The following GRID2 variants were observed in gnomAD, a reference collection of about 807,000 sequenced individuals.
GRID2 encodes glutamate receptor ionotropic, delta-2.
GRID2 carries 33 observed loss-of-function variants against 114.8 expected under a neutral mutation model. That is an observed-to-expected ratio of 0.29 (90% CI 0.22 to 0.38). The LOEUF is 0.38. GRID2 is among the 10% of genes least tolerant of loss of function. The pLI is 1.00. For synonymous variants in GRID2, 505 were observed against 449.9 expected (o/e 1.12, Z -1.55); for missense variants, 1,184 against 1,257.7 (o/e 0.94, Z 0.89).
chr4:93,592,294 C>G (rs1738443535), intron 13 of GRID2, among the ~76,000 whole-genome samples: 1 of 152,070 alleles, frequency 6.6e-6, no homozygotes, highest in African/African-American at 2.4e-5. Flanking sequence ...ATCTTTATTT[C>G]TGCCTTCATT....
chr4:92,861,739 T>C lies in GRID2; in HGVS notation c.245-223256T>C, dbSNP rs574901180. On this transcript the variant is annotated intron_variant, in intron 2 of 15. Transcript: ENST00000282020. ...GAAGGAAGAAATGAAAGCAAATTCT[T>C]ATTAAATAAGAAGTAACTAATCAGA... is the stretch of plus-strand genomic sequence containing the variant. Among the ~76,000 whole-genome samples the C allele has an allele frequency of 2.4e-4, 36 of 152,158 alleles. 1 individual carries two copies. The South Asian group carries it at 7.5e-3, about 32-fold the overall frequency.
At chr4:92,506,255 T>G (rs558269585) in intron 1 of GRID2, among the ~76,000 whole-genome samples, 1 of 152,110 alleles carries the variant, frequency 6.6e-6, no homozygotes, top group Non-Finnish European at 1.5e-5. Context: ...GGTGGGATTC[T>G]AAATGATTCT....
intron 1 of GRID2, among the ~76,000 whole-genome samples, chr4:92,435,202 T>A (rs556619177): frequency 6.6e-6 from 1 of 152,324 alleles, no homozygotes; most frequent in Admixed American, 6.5e-5. Context: ...TGTGTTTTCA[T>A]TATCAGGGTT....
At chr4:92,406,046 C>T (rs1201863956) in intron 1 of GRID2, among the ~76,000 whole-genome samples, 1 of 152,060 alleles carries the variant, frequency 6.6e-6, no homozygotes, top group South Asian at 2.1e-4. Context: ...GGTTGGGAGG[C>T]TAGGCCCATC....
intron 2 of GRID2, among the ~76,000 whole-genome samples, chr4:93,003,148 T>A (rs1427037097): frequency 6.6e-6 from 1 of 151,894 alleles, no homozygotes; most frequent in Non-Finnish European, 1.5e-5. Flanking sequence ...TGTTAGCATT[T>A]AAATATCTTT....
rs548155367 is a variant in GRID2 at position 92,700,980 on chromosome 4, C to A, written c.244+110694C>A. Among the ~76,000 whole-genome samples, 96 of 136,734 alleles carry A rather than the reference C, an allele frequency of 7.0e-4. No individual in the cohort carries two copies. The South Asian group carries it at 0.011, about 15-fold the overall frequency. 89.7% of individuals were successfully genotyped at this position (136,734 alleles called of 152,430 possible). Reference sequence around the variant, plus strand: ...CTGCACTCCAGCCTGGGCGACAGAGCGAGACTCCATCTCAAAAAAAAAAAA... The same window carrying A: ...CTGCACTCCAGCCTGGGCGACAGAGAGAGACTCCATCTCAAAAAAAAAAAA... On this transcript the variant is annotated intron_variant, in intron 2 of 15. Coordinates refer to ENST00000282020, the MANE Select transcript of GRID2 (RefSeq NM_001510.4).
intron 2 of GRID2, among the ~76,000 whole-genome samples, chr4:92,758,077 C>A (rs922378403): frequency 1.3e-5 from 2 of 152,026 alleles, no homozygotes; most frequent in African/African-American, 4.8e-5. Flanking sequence ...TGGACACTTA[C>A]TAATTTCAAT....
intron 1 of GRID2, among the ~76,000 whole-genome samples, chr4:92,479,515 T>A (rs938115650): frequency 6.6e-6 from 1 of 152,164 alleles, no homozygotes; most frequent in Admixed American, 6.6e-5. Flanking sequence ...TCTGTTTAAA[T>A]GAGCACTTAC....
At chr4:92,952,626 A>G (rs1752115435) in intron 2 of GRID2, among the ~76,000 whole-genome samples, 1 of 152,244 alleles carries the variant, frequency 6.6e-6, no homozygotes, top group Non-Finnish European at 1.5e-5. Flanking sequence ...GAAATCAGTG[A>G]TAGCATAGTG....
chr4:93,402,449 C>T (rs538191891), intron 9 of GRID2, among the ~76,000 whole-genome samples: 144 of 152,104 alleles, frequency 9.5e-4, no homozygotes, highest in Non-Finnish European at 1.1e-3. Flanking sequence ...TGCAGTAAAA[C>T]TATGATGTGT....
intron 11 of GRID2, among the ~76,000 whole-genome samples, chr4:93,456,788 C>T (rs964121862): frequency 3.3e-5 from 5 of 152,146 alleles, no homozygotes; most frequent in African/African-American, 1.2e-4. Flanking sequence ...TAACATCTTT[C>T]TTTTTATTCC....
At chr4:93,548,410 G>C (rs1733436052) in intron 13 of GRID2, among the ~76,000 whole-genome samples, 1 of 152,138 alleles carries the variant, frequency 6.6e-6, no homozygotes, top group Non-Finnish European at 1.5e-5. Context: ...TCCCAATTCT[G>C]ACGGTAAATT....
At chr4:93,210,345 C>T (rs1277477991) in intron 5 of GRID2, among the ~76,000 whole-genome samples, 2 of 152,044 alleles carry the variant, frequency 1.3e-5, no homozygotes, top group South Asian at 2.1e-4. Flanking sequence ...TAAAGGAAAG[C>T]GTCCTTTCCC....
In GRID2 at chr4:92,634,114, C is replaced by CAA. The variant is rs748692047; in HGVS notation, c.244+43838_244+43839dup. Among the ~76,000 whole-genome samples, 763 of 134,422 alleles carry CAA rather than the reference C, an allele frequency of 5.7e-3. 4 individuals are homozygous for CAA. Among genetic ancestry groups the CAA allele is most frequent in the Middle Eastern group, 0.015 (4 of 260 alleles). The allele number at this position is 134,422 out of a possible 152,430, so 88.2% of individuals were successfully genotyped here. On this transcript the variant is annotated intron_variant, in intron 2 of 15. Transcript: ENST00000282020. The stretch of plus-strand genomic sequence containing the variant: ...CTAATGAGCTAGAAAACAAAAATTG[C>CAA]AAAAAAAAAAACAACAAAAAACAAA...
intron 13 of GRID2, among the ~76,000 whole-genome samples, chr4:93,531,932 C>T (rs946598668): frequency 1.3e-5 from 2 of 152,094 alleles, no homozygotes; most frequent in Non-Finnish European, 1.5e-5. Flanking sequence ...TAATCTCTGA[C>T]AATTTCCAAA....
At chr4:93,523,870 G>A (rs1448398566) in intron 13 of GRID2, among the ~76,000 whole-genome samples, 2 of 152,158 alleles carry the variant, frequency 1.3e-5, no homozygotes, top group East Asian at 1.9e-4. Context: ...AGGAAAAAAG[G>A]CTGTGAGTAG....
At chr4:92,585,898 A>C (rs1254235856) in intron 1 of GRID2, among the ~76,000 whole-genome samples, 1 of 151,956 alleles carries the variant, frequency 6.6e-6, no homozygotes, top group Non-Finnish European at 1.5e-5. Flanking sequence ...TGTGACAACA[A>C]ATTAACATGC....
chr4:93,393,322 C>T (rs1374385820), intron 8 of GRID2, among the ~76,000 whole-genome samples: 1 of 151,630 alleles, frequency 6.6e-6, no homozygotes, highest in East Asian at 1.9e-4. Flanking sequence ...TGTACAAATG[C>T]TGTTATCAAA....
chr4:93,281,561 C>T (rs941311294), intron 8 of GRID2, among the ~76,000 whole-genome samples: 1 of 152,024 alleles, frequency 6.6e-6, no homozygotes, highest in Admixed American at 6.6e-5. Flanking sequence ...ACCTAAGTCT[C>T]TAAACTTTGC....
Sources: gnomAD v4.1 joint callset for allele counts (sites outside exome capture counted in the v4.1 genomes callset) on GRCh38, gnomAD v4.1.1 for gene constraint, MANE v1.5 for transcripts, NCBI Gene and HGNC (gene_info 2026-07-23, HGNC 2026-07-21) for gene names.